Variants in IMMP2L observed in about 807,000 individuals in gnomAD.
IMMP2L encodes mitochondrial inner membrane protease subunit 2.
In IMMP2L, 18 loss-of-function variants were observed where a neutral mutation model predicts 19.3. That is an observed-to-expected ratio of 0.93 (90% CI 0.64 to 1.38). The LOEUF (loss-of-function observed/expected upper bound fraction) is 1.38, where lower values mean the gene tolerates loss of function less well. IMMP2L is among the 40% of genes most tolerant of loss of function. The pLI is 0.00. For missense variants in IMMP2L, 233 were observed against 218.2 expected, an observed-to-expected ratio of 1.07 and a Z score of -0.43; for synonymous variants, 76 against 73.0, an observed-to-expected ratio of 1.04 and a Z score of -0.21.
intron 3 of IMMP2L, among the ~76,000 whole-genome samples, chr7:111,475,897 A>C: frequency 6.6e-6 from 1 of 152,208 alleles, no homozygotes; most frequent in East Asian, 1.9e-4. Flanking sequence ...CAAGTCTCCT[A>C]TCTGTTCCAG....
intron 3 of IMMP2L, among the ~76,000 whole-genome samples, chr7:111,005,291 A>G (rs1398537777): frequency 6.6e-6 from 1 of 152,172 alleles, no homozygotes; most frequent in African/African-American, 2.4e-5. Flanking sequence ...TATCTTTCCT[A>G]TAGGAGAAAA....
rs74467023 is a variant in IMMP2L, at chr7:111,043,031, T to C, written c.240-79466A>G. On this transcript the variant is annotated intron_variant, in intron 3 of 5. Coordinates refer to ENST00000405709, the MANE Select transcript of IMMP2L (RefSeq NM_032549.4). ...GAAGTCAAATTTCTATTTCTACAGCTGATACTGCTGACTCAACATGCCTCA... is the reference window on the plus strand; with the variant it reads ...GAAGTCAAATTTCTATTTCTACAGCCGATACTGCTGACTCAACATGCCTCA... 9.6e-3 allele frequency among the ~76,000 whole-genome samples: 1,464 copies of C among 152,302 alleles called. 25 individuals are homozygous for C. Among genetic ancestry groups the C allele is most frequent in the African/African-American group, 0.033 (1,381 of 41,544 alleles).
Position 110,728,664 on chromosome 7 carries a change from C to T in IMMP2L, c.409-64943G>A, listed in dbSNP as rs1796057100. On this transcript the variant is annotated intron_variant, in intron 5 of 5. Coordinates refer to ENST00000405709, the MANE Select transcript of IMMP2L (RefSeq NM_032549.4). This position sits in a 1 kb window ranked among gnomAD's most constrained non-coding sequence, Gnocchi z 4.6. Reference sequence around the variant, plus strand: ...AACCCAAATATTGCCACTGATCCCCCTCCTATGCAAAGGACAGTAATAAGT... The same window carrying T: ...AACCCAAATATTGCCACTGATCCCCTTCCTATGCAAAGGACAGTAATAAGT... Among the ~76,000 whole-genome samples the T allele has an allele frequency of 6.6e-6, 1 of 152,148 alleles. No homozygotes were observed. Among genetic ancestry groups the T allele is most frequent in the African/African-American group, 2.4e-5 (1 of 41,430 alleles).
intron 4 of IMMP2L, among the ~76,000 whole-genome samples, chr7:110,936,376 A>G (rs575898663): frequency 6.6e-6 from 1 of 152,322 alleles, no homozygotes; most frequent in South Asian, 2.1e-4. Flanking sequence ...AACCCCACCA[A>G]AAGGTGGGCA....
intron 3 of IMMP2L, among the ~76,000 whole-genome samples, chr7:111,058,033 T>C (rs1586004952): frequency 6.6e-6 from 1 of 152,184 alleles, no homozygotes; most frequent in South Asian, 2.1e-4. Flanking sequence ...CCCATCACAA[T>C]AGAAAGGCCT....
At chr7:110,741,275 G>A (rs1796973338) in intron 5 of IMMP2L, among the ~76,000 whole-genome samples, 1 of 152,086 alleles carries the variant, frequency 6.6e-6, no homozygotes, top group Non-Finnish European at 1.5e-5. Flanking sequence ...GACACGACCT[G>A]TTCCCCCAAA....
At chr7:111,086,051 C>T (rs1796296169) in intron 3 of IMMP2L, among the ~76,000 whole-genome samples, 1 of 151,946 alleles carries the variant, frequency 6.6e-6, no homozygotes, top group African/African-American at 2.4e-5. Flanking sequence ...AAATAACATG[C>T]ACAAAACCCC....
At chr7:110,936,511 C>T (rs1248181561) in intron 4 of IMMP2L, among the ~76,000 whole-genome samples, 1 of 152,186 alleles carries the variant, frequency 6.6e-6, no homozygotes, top group Admixed American at 6.5e-5. Context: ...TACCATCTCA[C>T]ACCAGTTAGA....
intron 3 of IMMP2L, among the ~76,000 whole-genome samples, chr7:111,079,324 A>G (rs1795686969): frequency 6.6e-6 from 1 of 151,496 alleles, no homozygotes. Context: ...TCACCGTTTT[A>G]GCCGGGATGG....
At chr7:110,677,002 G>C (rs999551593) in intron 5 of IMMP2L, among the ~76,000 whole-genome samples, 3 of 152,148 alleles carry the variant, frequency 2.0e-5, no homozygotes, top group African/African-American at 7.2e-5. Context: ...GCAACAAGTG[G>C]AGGGATGTCT....
intron 5 of IMMP2L, among the ~76,000 whole-genome samples, chr7:110,717,342 G>A (rs940742887): frequency 6.6e-6 from 1 of 152,216 alleles, no homozygotes; most frequent in Non-Finnish European, 1.5e-5. Context: ...GCGGGTGTCT[G>A]TAGTCCCAGC....
At chr7:110,860,547 T>C (rs1651345684) in intron 5 of IMMP2L, among the ~76,000 whole-genome samples, 2 of 152,210 alleles carry the variant, frequency 1.3e-5, no homozygotes, top group South Asian at 4.2e-4. Context: ...TGTCTATAAT[T>C]TATAGTTAGT....
chr7:111,386,419 T>C (rs537198652), intron 3 of IMMP2L, among the ~76,000 whole-genome samples: 4 of 152,238 alleles, frequency 2.6e-5, no homozygotes, highest in Admixed American at 2.0e-4. Context: ...ACTATACAAA[T>C]ACATATATAC....
chr7:111,111,665 CT>C (rs1799219867), intron 3 of IMMP2L, among the ~76,000 whole-genome samples: 2 of 151,938 alleles, frequency 1.3e-5, no homozygotes, highest in African/African-American at 4.8e-5. Context: ...ATGTCCCCCC[CT>C]GCGTCAATAG....
chr7:111,055,572 T>C (rs1243852863), intron 3 of IMMP2L, among the ~76,000 whole-genome samples: 1 of 152,230 alleles, frequency 6.6e-6, no homozygotes, highest in Non-Finnish European at 1.5e-5. Flanking sequence ...TGCTGGTTTC[T>C]AATTTTCTTT....
At chr7:111,279,738 T>G (rs1819494612) in intron 3 of IMMP2L, among the ~76,000 whole-genome samples, 1 of 152,046 alleles carries the variant, frequency 6.6e-6, no homozygotes, top group African/African-American at 2.4e-5. Flanking sequence ...AAGAACAAAG[T>G]GGACCTTGGG....
chr7:110,840,865 T>C (rs1805012296), intron 5 of IMMP2L, among the ~76,000 whole-genome samples: 1 of 152,106 alleles, frequency 6.6e-6, no homozygotes, highest in Non-Finnish European at 1.5e-5. Context: ...TGTTATTTCA[T>C]AGAATATTTT....
chr7:111,497,038 A>G (rs945525595), intron 2 of IMMP2L, among the ~76,000 whole-genome samples: 2 of 152,188 alleles, frequency 1.3e-5, no homozygotes, highest in African/African-American at 4.8e-5. Flanking sequence ...CATTAATAAA[A>G]TAAAAGTGAA....
At chr7:110,811,026 G>A (rs908543768) in intron 5 of IMMP2L, among the ~76,000 whole-genome samples, 7 of 151,930 alleles carry the variant, frequency 4.6e-5, no homozygotes, top group African/African-American at 1.7e-4. Context: ...TGAGGATATG[G>A]GGGACAGATG....
Sources: allele counts gnomAD v4.1 joint callset (sites outside exome capture counted in the v4.1 genomes callset), GRCh38; gene constraint gnomAD v4.1.1; non-coding constraint Gnocchi (gnomAD v3.1); transcripts MANE v1.5; gene names NCBI Gene and HGNC (gene_info 2026-07-23, HGNC 2026-07-21).